The following ANAPC5 variants were observed in gnomAD, a reference collection of about 807,000 sequenced individuals.
The protein encoded by ANAPC5 is anaphase-promoting complex subunit 5.
Under a neutral mutation model 91.3 loss-of-function variants are expected in ANAPC5, and 60 were observed. The observed-to-expected ratio is 0.66, with a 90% CI of 0.53 to 0.81. ANAPC5 has a LOEUF of 0.81. Ranked by LOEUF, ANAPC5 falls within the 40% of genes least tolerant of loss-of-function variation. The probability of loss-of-function intolerance (pLI) is 0.00; values close to 1 mark genes in which losing one functional copy is unlikely to be tolerated. For missense variants in ANAPC5, 690 were observed against 931.5 expected, an observed-to-expected ratio of 0.74 and a Z score of 3.37; for synonymous variants, 340 against 364.1, an observed-to-expected ratio of 0.93 and a Z score of 0.75.
intron 1 of ANAPC5, among the ~76,000 whole-genome samples, chr12:121,351,723 C>A (rs937381704): frequency 3.9e-5 from 6 of 152,040 alleles, no homozygotes; most frequent in African/African-American, 1.4e-4. Context: ...TCCCAAAGTG[C>A]GGAGATTATA....
rs1490476947 is a variant in ANAPC5, at chr12:121,342,474, C to A, written c.591-405G>T. 2.0e-5 allele frequency among the ~76,000 whole-genome samples: 3 copies of A among 152,032 alleles called. No individual in the cohort carries two copies. The highest frequency in any genetic ancestry group is 4.4e-5 in the Non-Finnish European group (3 of 68,018). ...AAGACCTCAATGTGAGGCCAAAAAC[C>A]GTAAAACTCTTAGAAGATCTTCCTT... On this transcript the variant is annotated intron_variant, in intron 4 of 16. Coordinates refer to ENST00000261819, the MANE Select transcript of ANAPC5 (RefSeq NM_016237.5). This position sits in a 1 kb window ranked among gnomAD's most constrained non-coding sequence, Gnocchi z 4.1.
In ANAPC5 at chr12:121,331,348, A is replaced by G; in HGVS notation, c.1031T>C (p.Leu344Ser). Reference sequence around the variant, plus strand: ...CCCAAGACCAGAGGATGGCCTCACCAAACAGTGCTGGAGACACACGTGATC... The same window carrying G: ...CCCAAGACCAGAGGATGGCCTCACCGAACAGTGCTGGAGACACACGTGATC... ...SNDHVCLQHC[L>S]SWLYVLGQKR... The change falls in exon 8 of 17, where the codon TTG (leucine) becomes TCG (serine). Residue 344 changes from leucine to serine, a missense_variant and splice_region_variant. By Grantham distance (145) the Leu-to-Ser change is moderately radical. Coordinates refer to ENST00000261819, the MANE Select transcript of ANAPC5 (RefSeq NM_016237.5). The G allele has an allele frequency of 6.3e-7, 1 of 1,589,796 alleles. No homozygotes were observed. Among genetic ancestry groups the G allele is most frequent in the Non-Finnish European group, 8.6e-7 (1 of 1,160,362 alleles).
chr12:121,330,010 G>C (rs1902979254), intron 9 of ANAPC5, among the ~76,000 whole-genome samples: 1 of 152,196 alleles, frequency 6.6e-6, no homozygotes, highest in Admixed American at 6.5e-5. Context: ...AAATCTGCCT[G>C]TCAGGTTTAC....
In ANAPC5 at chr12:121,352,114, A is replaced by G. The variant is rs1555275440; in HGVS notation, c.207+20T>C. On this transcript the variant is annotated intron_variant, in intron 1 of 16. Coordinates refer to ENST00000261819, the MANE Select transcript of ANAPC5 (RefSeq NM_016237.5). ...AGTAAAAGTTTGCTGCACGAGCAGG[A>G]GCCAGCGGGCGCCTCTCACCTGCAG... The G allele has an allele frequency of 6.3e-7, 1 of 1,590,126 alleles. No homozygotes were observed. Among genetic ancestry groups the G allele is most frequent in the East Asian group, 2.3e-5 (1 of 44,404 alleles).
intron 1 of ANAPC5, among the ~76,000 whole-genome samples, chr12:121,350,840 TGGGAGAGAA>T (rs1903859961): frequency 6.6e-6 from 1 of 152,136 alleles, no homozygotes. Context: ...TACCGTCTAA[TGGGAGAGAA>T]GGCCATCACT....
At chr12:121,328,073 T>C (rs1902891219) in intron 10 of ANAPC5, 2 of 425,042 alleles carry the variant, frequency 4.7e-6, no homozygotes, top group South Asian at 7.1e-5. Context: ...TCTCCCAGCA[T>C]GGAGATCACC....
At chr12:121,322,572 CGTA>C (rs1902660450) in intron 11 of ANAPC5, among the ~76,000 whole-genome samples, 1 of 152,088 alleles carries the variant, frequency 6.6e-6, no homozygotes, top group Non-Finnish European at 1.5e-5. Flanking sequence ...TTTATATCAT[CGTA>C]GTATTTTATC....
intron 13 of ANAPC5, among the ~76,000 whole-genome samples, 183 bp from the exon 14 acceptor site, chr12:121,318,791 C>A (rs1473453459): frequency 6.6e-6 from 1 of 152,070 alleles, no homozygotes; most frequent in African/African-American, 2.4e-5. Flanking sequence ...GAGGCCGAGG[C>A]GGGCGAATCA....
chr12:121,338,538 G>A (rs929249305), intron 5 of ANAPC5, among the ~76,000 whole-genome samples: 8 of 152,066 alleles, frequency 5.3e-5, no homozygotes, highest in Non-Finnish European at 5.9e-5. Flanking sequence ...ACAGTGAGCC[G>A]AAATCACGCC....
At chr12:121,351,221 A>C (rs1903879563) in intron 1 of ANAPC5, 1 of 361,690 alleles carries the variant, frequency 2.8e-6, no homozygotes, top group Admixed American at 3.5e-5. Context: ...AAATGCAAAA[A>C]AATTAGCTGG....
At chr12:121,324,295 C>T (rs1011325240) in intron 11 of ANAPC5, among the ~76,000 whole-genome samples, 2 of 151,798 alleles carry the variant, frequency 1.3e-5, no homozygotes, top group South Asian at 2.1e-4. Flanking sequence ...TATATCCACA[C>T]GGTTGATGTT....
At chr12:121,327,761 C>T (rs578256405) in intron 10 of ANAPC5, 1 of 155,726 alleles carries the variant, frequency 6.4e-6, no homozygotes, top group Admixed American at 6.5e-5. Flanking sequence ...AATGCGGCAA[C>T]AAAGTTTACT....
chr12:121,314,196 T>TA (rs1203676088), intron 15 of ANAPC5, among the ~76,000 whole-genome samples: 1 of 152,160 alleles, frequency 6.6e-6, no homozygotes, highest in African/African-American at 2.4e-5. Context: ...GGCCAGGAGT[T>TA]AGAGACCAGC....
At chr12:121,351,680 A>G (rs1404205321) in intron 1 of ANAPC5, among the ~76,000 whole-genome samples, 3 of 151,952 alleles carry the variant, frequency 2.0e-5, no homozygotes, top group Admixed American at 6.6e-5. Flanking sequence ...GCTGGTCTCG[A>G]ACTCCTGACC....
intron 15 of ANAPC5, chr12:121,317,853 T>A (rs2136763247): frequency 6.5e-6 from 1 of 153,620 alleles, no homozygotes; most frequent in South Asian, 2.1e-4. Context: ...AAATGAAGAG[T>A]CAATTCCTTC....
intron 12 of ANAPC5, 136 bp downstream of exon 12, chr12:121,320,249 A>G: frequency 4.1e-6 from 3 of 732,640 alleles, no homozygotes; most frequent in Non-Finnish European, 6.6e-6. Context: ...ATAATATCAT[A>G]CTTGTAAGCA....
At chr12:121,351,104 GCTCACTCCTGTAATCCCAATA>G in intron 1 of ANAPC5, 1 of 450,774 alleles carries the variant, frequency 2.2e-6, no homozygotes, top group South Asian at 1.6e-5. Context: ...GGGCGCAGTG[GCTCACTCCTGTAATCCCAATA>G]CTCTGGGAGA....
intron 15 of ANAPC5, among the ~76,000 whole-genome samples, chr12:121,314,926 C>T (rs1902297529): frequency 6.6e-6 from 1 of 152,136 alleles, no homozygotes; most frequent in Admixed American, 6.6e-5. Flanking sequence ...CGAGCCAAGA[C>T]ACACACTTTT....
rs1555272501 is a variant in ANAPC5, at chr12:121,328,165, A to G, written c.1304+151T>C. ...AAGTTTTCAGTCTGTGCAAAATACA[A>G]AATGTTTTATAGTCTAAAACATAGT... On this transcript the variant is annotated intron_variant, in intron 10 of 16. Transcript: ENST00000261819. 3 of 712,148 alleles carry G rather than the reference A, an allele frequency of 4.2e-6. No individual in the cohort carries two copies. In the African/African-American group the frequency reaches 5.4e-5, roughly 13 times the overall value. 44.1% of individuals were successfully genotyped at this position (712,148 alleles called of 1,614,324 possible). A position where few individuals can be genotyped will look rare whatever the true frequency, so the allele number is the denominator to read the frequency against.
Sources: gnomAD v4.1 joint callset for allele counts (sites outside exome capture counted in the v4.1 genomes callset) on GRCh38, gnomAD v4.1.1 for gene constraint, Gnocchi (gnomAD v3.1) non-coding constraint, MANE v1.5 for transcripts, NCBI Gene and HGNC (gene_info 2026-07-23, HGNC 2026-07-21) for gene names.